Variants in NAV3 observed in about 807,000 individuals in gnomAD.
NAV3 encodes pore membrane and/or filament interacting like protein 1.
NAV3 carries 87 observed loss-of-function variants against 244.7 expected under a neutral mutation model. The observed-to-expected ratio is 0.36, with a 90% CI of 0.30 to 0.42. The LOEUF is 0.42. Ranked by LOEUF, NAV3 falls within the 20% of genes least tolerant of loss-of-function variation. The pLI is 1.00. For synonymous variants in NAV3, 1,126 were observed against 1,042.2 expected (o/e 1.08, Z -1.55); for missense variants, 2,663 against 2,893.3 (o/e 0.92, Z 1.83).
At chr12:77,624,219 T>C (rs944609606) in intron 2 of NAV3, among the ~76,000 whole-genome samples, 1 of 152,124 alleles carries the variant, frequency 6.6e-6, no homozygotes, top group South Asian at 2.1e-4. Context: ...TACAAGCATG[T>C]GAATATCTGG....
At chr12:78,071,592 C>G (rs138012329) in intron 12 of NAV3, among the ~76,000 whole-genome samples, 1 of 152,080 alleles carries the variant, frequency 6.6e-6, no homozygotes, top group East Asian at 1.9e-4. Context: ...TCTTTTGTTG[C>G]CATTGCTTTT....
At chr12:77,958,349 A>C (rs1891564533) in intron 3 of NAV3, among the ~76,000 whole-genome samples, 1 of 152,210 alleles carries the variant, frequency 6.6e-6, no homozygotes, top group Admixed American at 6.5e-5. Flanking sequence ...ATTTTCAGGC[A>C]TAAAATAAGT....
At chr12:77,928,084 G>A (rs1888393069) in intron 1 of NAV3, among the ~76,000 whole-genome samples, 1 of 151,784 alleles carries the variant, frequency 6.6e-6, no homozygotes, top group South Asian at 2.1e-4. Context: ...TTAGCCAGAC[G>A]TGGTGGTGTG....
chr12:77,852,921 A>G (rs1241861739), intron 1 of NAV3, among the ~76,000 whole-genome samples: 1 of 152,202 alleles, frequency 6.6e-6, no homozygotes, highest in African/African-American at 2.4e-5. Flanking sequence ...GGATTTATGA[A>G]TAATGACACT....
At chr12:77,585,988 C>T (rs1424721106) in intron 2 of NAV3, among the ~76,000 whole-genome samples, 3 of 152,080 alleles carry the variant, frequency 2.0e-5, no homozygotes, top group Non-Finnish European at 2.9e-5. Context: ...TGGTGAGACC[C>T]CATCTCTACT....
chr12:78,075,125 G>A lies in NAV3; in HGVS notation c.2636+16010G>A, dbSNP rs115233608. Among the ~76,000 whole-genome samples, 740 of 152,260 alleles carry A rather than the reference G, an allele frequency of 4.9e-3. 6 individuals are homozygous for A. Among genetic ancestry groups the A allele is most frequent in the African/African-American group, 0.016 (682 of 41,532 alleles). On this transcript the variant is annotated intron_variant, in intron 12 of 39. Coordinates refer to ENST00000397909, the MANE Select transcript of NAV3 (RefSeq NM_001024383.2). ...CTATCACTGATCCTTTACTTTCCCT[G>A]TATATCTGACACGTGCTTACTGACT...
chr12:78,118,418 G>A (rs929161531), intron 14 of NAV3, 121 bp downstream of exon 14: 107 of 1,292,908 alleles, frequency 8.3e-5, no homozygotes, highest in Non-Finnish European at 1.1e-4. Flanking sequence ...TATTAAACAT[G>A]GAGTCAAATA....
intron 2 of NAV3, among the ~76,000 whole-genome samples, chr12:77,579,507 G>A (rs185576474): frequency 1.4e-3 from 213 of 152,342 alleles, no homozygotes; most frequent in African/African-American, 5.0e-3. Context: ...GAGAGAGCTA[G>A]AAAGAGCAAG....
chr12:77,843,429 G>A (rs1876053733), intron 1 of NAV3, among the ~76,000 whole-genome samples: 1 of 151,478 alleles, frequency 6.6e-6, no homozygotes, highest in South Asian at 2.1e-4. Flanking sequence ...GTTTGTGTGT[G>A]TATCTTATAG....
At chr12:77,931,227 A>G (rs1365555828) in intron 1 of NAV3, among the ~76,000 whole-genome samples, 1 of 152,076 alleles carries the variant, frequency 6.6e-6, no homozygotes, top group Non-Finnish European at 1.5e-5. Flanking sequence ...CCAGCCTTTC[A>G]GCTTTAAAAA....
chr12:77,851,933 T>C (rs561385363), intron 1 of NAV3, among the ~76,000 whole-genome samples: 1 of 152,308 alleles, frequency 6.6e-6, no homozygotes, highest in Admixed American at 6.5e-5. Context: ...ACTACCGTTA[T>C]CTTCACTTTT....
At chr12:77,873,572 T>C (rs1247645253) in intron 1 of NAV3, among the ~76,000 whole-genome samples, 1 of 150,492 alleles carries the variant, frequency 6.6e-6, no homozygotes. Context: ...TTTTATAATG[T>C]CTTAGCAAAG....
At chr12:77,744,781 A>G (rs942610212) in intron 2 of NAV3, among the ~76,000 whole-genome samples, 3 of 151,276 alleles carry the variant, frequency 2.0e-5, no homozygotes, top group Admixed American at 1.3e-4. Context: ...TTTAATTTTC[A>G]TTGATTTAAA....
rs180875573 is a variant in NAV3, at chr12:78,152,752, A to T, written c.4785+3833A>T. On this transcript the variant is annotated intron_variant, in intron 22 of 39. Transcript: ENST00000397909. ...AGGGACTTGGTAAAATTACTTATTT[A>T]TAGGATATTTTAAATATAATCAAGG... 2.6e-3 allele frequency among the ~76,000 whole-genome samples: 397 copies of T among 152,140 alleles called. 2 individuals carry two copies. Among genetic ancestry groups the T allele is most frequent in the Non-Finnish European group, 4.6e-3 (314 of 67,942 alleles).
chr12:77,732,896 A>G (rs1877184743), intron 2 of NAV3, among the ~76,000 whole-genome samples: 1 of 152,084 alleles, frequency 6.6e-6, no homozygotes, highest in South Asian at 2.1e-4. Flanking sequence ...GCATAGATGT[A>G]TGATGCACAT....
chr12:77,907,921 T>C (rs1200830323), intron 1 of NAV3, among the ~76,000 whole-genome samples: 1 of 152,090 alleles, frequency 6.6e-6, no homozygotes, highest in Non-Finnish European at 1.5e-5. Flanking sequence ...TGTGTGGATG[T>C]TTATCAACTT....
chr12:77,816,314 G>A (rs1254233452), intron 2 of NAV3, among the ~76,000 whole-genome samples: 1 of 152,128 alleles, frequency 6.6e-6, no homozygotes, highest in African/African-American at 2.4e-5. Context: ...AACAGCAGAA[G>A]GTGCATTTTT....
At position 77,819,201 on chromosome 12, in the gene NAV3, C is replaced by G. The variant is rs533933296; in HGVS notation, c.73-121118C>G. ...GGACTCATGCGTGCAATAGGTGTTACTGGGAACGTTTTATGAGAACAATAG... is the reference window on the plus strand; with the variant it reads ...GGACTCATGCGTGCAATAGGTGTTAGTGGGAACGTTTTATGAGAACAATAG... On this transcript the variant is annotated intron_variant, in intron 2 of 8. Transcript: ENST00000550042. Among the ~76,000 whole-genome samples, 14 of 152,090 alleles carry G rather than the reference C, an allele frequency of 9.2e-5. No individual in the cohort carries two copies. The East Asian group carries it at 2.7e-3, about 29-fold the overall frequency.
intron 2 of NAV3, among the ~76,000 whole-genome samples, chr12:77,710,814 TG>T (rs1876073181): frequency 6.6e-6 from 1 of 152,216 alleles, no homozygotes; most frequent in African/African-American, 2.4e-5. Context: ...GTCCTCTTTT[TG>T]ATCTAGCTCT....
Sources: gnomAD v4.1 joint callset for allele counts (sites outside exome capture counted in the v4.1 genomes callset) on GRCh38, gnomAD v4.1.1 for gene constraint, MANE v1.5 for transcripts, NCBI Gene and HGNC (gene_info 2026-07-23, HGNC 2026-07-21) for gene names.